Variants in CAND2 observed in about 807,000 individuals in gnomAD.
CAND2 encodes the protein cullin-associated NEDD8-dissociated protein 2.
CAND2 carries 62 observed loss-of-function variants against 98.9 expected under a neutral mutation model. That is an observed-to-expected ratio of 0.63 (90% CI 0.51 to 0.77). The LOEUF (loss-of-function observed/expected upper bound fraction) is 0.77. Ranked by LOEUF, CAND2 falls within the 30% of genes least tolerant of loss-of-function variation. The probability of loss-of-function intolerance (pLI) is 0.00; values close to 1 mark genes in which losing one functional copy is unlikely to be tolerated. For synonymous variants in CAND2, 770 were observed against 731.9 expected (o/e 1.05, Z -0.84); for missense variants, 1,501 against 1,655.2 (o/e 0.91, Z 1.62).
chr3:12,803,183 T>G (rs143704353), intron 1 of CAND2, among the ~76,000 whole-genome samples: 3 of 152,038 alleles, frequency 2.0e-5, no homozygotes, highest in Non-Finnish European at 2.9e-5. Flanking sequence ...TAGTAGAGAC[T>G]GGGTTTCACC....
intron 2 of CAND2, among the ~76,000 whole-genome samples, 178 bp downstream of exon 2, chr3:12,803,809 G>A (rs79863133): frequency 0.13 from 19,996 of 152,038 alleles, 2,587 homozygotes; most frequent in African/African-American, 0.34. Flanking sequence ...TCAAATCTAA[G>A]TTTATTTGGG....
chr3:12,831,916 A>G (rs1450374845), intron 14 of CAND2, among the ~76,000 whole-genome samples: 1 of 152,178 alleles, frequency 6.6e-6, no homozygotes, highest in Non-Finnish European at 1.5e-5. Context: ...TAGGTTCCCT[A>G]CTGTCAATCT....
chr3:12,821,317 T>C (rs1246763284), intron 11 of CAND2, among the ~76,000 whole-genome samples: 2 of 152,046 alleles, frequency 1.3e-5, no homozygotes, highest in African/African-American at 2.4e-5. Context: ...AAAGAATTGC[T>C]TGAACCCGGG....
intron 3 of CAND2, 51 bp from the exon 4 acceptor site, chr3:12,808,159 G>A (rs2061821672): frequency 8.4e-6 from 13 of 1,545,642 alleles, no homozygotes; most frequent in Non-Finnish European, 1.1e-5. Context: ...GGTGGAGGCT[G>A]CCTTTCCCCC....
chr3:12,825,717 T>C, intron 12 of CAND2, 78 bp downstream of exon 12: 3 of 1,446,204 alleles, frequency 2.1e-6, no homozygotes, highest in Middle Eastern at 3.5e-4. Context: ...GGCATTATTA[T>C]CTCATCAGAG....
rs542172764 is a variant in CAND2 at position 12,834,071 on chromosome 3, C to G, written c.*89C>G. ...CCCATCCCACCATCGCAGGTCTCTA[C>G]TTTTGCCCTTCCACCATCTCACTGG... is the stretch of plus-strand genomic sequence containing the variant. On this transcript the variant is annotated 3_prime_UTR_variant, in exon 15 of 15. Transcript: ENST00000456430. 9.2e-7 allele frequency: 1 copy of G among 1,089,924 alleles called. No homozygotes were observed. Among genetic ancestry groups the G allele is most frequent in the African/African-American group, 1.5e-5 (1 of 64,740 alleles). The allele number at this position is 1,089,924 out of a possible 1,614,324, so 67.5% of individuals were successfully genotyped here. A position where few individuals can be genotyped will look rare whatever the true frequency, so the allele number is the denominator to read the frequency against.
intron 1 of CAND2, among the ~76,000 whole-genome samples, chr3:12,798,925 G>T (rs990527497): frequency 6.8e-6 from 1 of 148,086 alleles, no homozygotes; most frequent in African/African-American, 2.6e-5. Context: ...GAGCGGGGCA[G>T]CGACTGCAAA....
intron 2 of CAND2, among the ~76,000 whole-genome samples, chr3:12,804,241 G>T (rs1339391625): frequency 6.6e-6 from 1 of 152,040 alleles, no homozygotes; most frequent in Non-Finnish European, 1.5e-5. Context: ...ATCACCTGAG[G>T]TCAGGAGTTT....
chr3:12,799,103 T>G (rs376738931), intron 1 of CAND2, among the ~76,000 whole-genome samples: 96 of 152,320 alleles, frequency 6.3e-4, no homozygotes, highest in Middle Eastern at 3.4e-3. Context: ...CACAGTAGTA[T>G]TATTGGTTGA....
Position 12,815,361 on chromosome 3 carries a change from C to A in CAND2, c.1227C>A (p.Pro409=). The A allele has an allele frequency of 6.2e-7, 1 of 1,613,964 alleles. No homozygotes were observed. The change falls in exon 8 of 15, where the codon CCC becomes CCA. Residue 409 remains proline (P), a synonymous_variant. Coordinates refer to ENST00000456430, the MANE Select transcript of CAND2 (RefSeq NM_001162499.2). This position sits in a 1 kb window ranked among gnomAD's most constrained non-coding sequence, Gnocchi z 5.7. Reference sequence around the variant, plus strand: ...TCGTGCTGCTGCGGCAAACACAGCCCCCGAAGGGATGGCTGGAGGCCATGG... The same window carrying A: ...TCGTGCTGCTGCGGCAAACACAGCCACCGAAGGGATGGCTGGAGGCCATGG... ...AYIVLLRQTQ[P]PKGWLEAMEE...
intron 7 of CAND2, among the ~76,000 whole-genome samples, chr3:12,814,602 G>A (rs2061881289): frequency 6.6e-6 from 1 of 152,148 alleles, no homozygotes; most frequent in Non-Finnish European, 1.5e-5. Context: ...GAGATCGGGG[G>A]AGAGAAGAGG....
At chr3:12,800,839 C>T (rs1159273387) in intron 1 of CAND2, among the ~76,000 whole-genome samples, 1 of 151,716 alleles carries the variant, frequency 6.6e-6, no homozygotes, top group Non-Finnish European at 1.5e-5. Context: ...TCTCCTGCCT[C>T]AGCCTCCCAA....
At position 12,796,782 on chromosome 3, in the gene CAND2, A is replaced by G. The variant is rs746432278; in HGVS notation, c.62A>G (p.Asp21Gly). The G allele has an allele frequency of 6.9e-6, 11 of 1,585,894 alleles. No individual in the cohort carries two copies. Among genetic ancestry groups the G allele is most frequent in the Non-Finnish European group, 9.4e-6 (11 of 1,165,466 alleles). Residue 21 changes from aspartate to glycine, a missense_variant, in exon 1 of 15, where the codon GAC becomes GGC. Around this residue, in one of 3 missense-constraint regions of CAND2, gnomAD observed 62 missense variants for 77.3 expected, o/e 0.80. Coordinates refer to ENST00000456430, the MANE Select transcript of CAND2 (RefSeq NM_001162499.2). ...LLEKMTSSDKDFRFMATSDLM... is the reference protein window; with the variant it reads ...LLEKMTSSDKGFRFMATSDLM... The stretch of plus-strand genomic sequence containing the variant: ...GAGAAGATGACGTCCAGCGACAAGG[A>G]CTTCAGGTGCAGCCCGCCGCCGGCC...
chr3:12,799,720 C>A (rs1575761569), intron 1 of CAND2, among the ~76,000 whole-genome samples: 1 of 152,226 alleles, frequency 6.6e-6, no homozygotes, highest in East Asian at 1.9e-4. Context: ...AGTGTACAGT[C>A]CAATGGAGAA....
At chr3:12,811,816 C>T (rs931703361) in intron 5 of CAND2, among the ~76,000 whole-genome samples, 1 of 152,068 alleles carries the variant, frequency 6.6e-6, no homozygotes, top group African/African-American at 2.4e-5. Context: ...CCTTGTGATC[C>T]CATGATCTGC....
intron 7 of CAND2, among the ~76,000 whole-genome samples, chr3:12,814,135 A>T (rs528474797): frequency 3.5e-4 from 54 of 152,320 alleles, no homozygotes; most frequent in Non-Finnish European, 3.1e-4. Flanking sequence ...TGTGGGGGTG[A>T]CAGTGATCCA....
rs186408122 is a variant in CAND2, at chr3:12,817,157, G to T, written c.2225G>T (p.Arg742Leu). 312 of 1,612,866 alleles carry T rather than the reference G, an allele frequency of 1.9e-4. 2 individuals carry two copies. The East Asian group carries it at 5.9e-3, about 31-fold the overall frequency. ...GGCCCTGTGCTCTCAGAGCTGCTGC[G>T]GCTGCTGCGTTCGCCCCTGTTGCCA... The part of the protein sequence containing the change: ...VSGPVLSELL[R>L]LLRSPLLPAG... The change falls in exon 10 of 15, where the codon CGG becomes CTG. Residue 742 changes from arginine to leucine, a missense_variant. By Grantham distance (102) the Arg-to-Leu change is moderately radical (BLOSUM62 -2). This residue lies in a region of CAND2 where 1,427 missense variants were observed against 1,545.3 expected (regional missense o/e 0.92). Transcript: ENST00000456430.
Position 12,817,693 on chromosome 3 carries a change from G to T in CAND2, c.2761G>T (p.Ala921Ser). 1 of 1,600,236 alleles carries T rather than the reference G, an allele frequency of 6.2e-7. No individual in the cohort carries two copies. The highest frequency in any genetic ancestry group is 8.5e-7 in the Non-Finnish European group (1 of 1,172,872). The change falls in exon 10 of 15, where the codon GCC (alanine) becomes TCC (serine). Residue 921 changes from alanine (A) to serine (S), a missense_variant. Transcript: ENST00000456430. ...QYLLLHSLRE[A>S]LGAAQPDSLK... ...CCTGCTGCTGCACTCACTCAGGGAG[G>T]CCCTGGGGGCCGCCCAGCCTGACAG...
intron 11 of CAND2, 69 bp from the exon 12 acceptor site, chr3:12,825,401 G>T: frequency 6.9e-7 from 1 of 1,443,604 alleles, no homozygotes; most frequent in Non-Finnish European, 9.4e-7. Flanking sequence ...CCAGATGGCC[G>T]GGGTGGTGAG....
Sources: allele counts gnomAD v4.1 joint callset (sites outside exome capture counted in the v4.1 genomes callset), GRCh38; gene constraint gnomAD v4.1.1; regional missense constraint gnomAD v4.1.1; non-coding constraint Gnocchi (gnomAD v3.1); transcripts MANE v1.5; gene names NCBI Gene and HGNC (gene_info 2026-07-23, HGNC 2026-07-21).